BMPR1A: variants seen among roughly 807,000 people sequenced by gnomAD.
The protein encoded by BMPR1A is bone morphogenetic protein receptor type-1A.
In BMPR1A, 7 loss-of-function variants were observed where a neutral mutation model predicts 66.0. The ratio of observed to expected loss-of-function variants is 0.11; its 90% CI spans 0.06 to 0.20. BMPR1A has a LOEUF of 0.20. Ranked by LOEUF, BMPR1A falls within the 10% of genes least tolerant of loss-of-function variation. The pLI is 1.00. For synonymous variants in BMPR1A, 200 were observed against 229.7 expected, an observed-to-expected ratio of 0.87 and a Z score of 1.17; for missense variants, 408 against 669.1, an observed-to-expected ratio of 0.61 and a Z score of 4.31.
downstream of BMPR1A, chr10:86,932,046 C>CCTTA (rs1843815125): frequency 6.6e-6 from 1 of 152,220 alleles, no homozygotes; most frequent in Non-Finnish European, 1.5e-5. Flanking sequence ...AGTATAAGGA[C>CCTTA]TGCCATTTAC....
intron 2 of BMPR1A, among the ~76,000 whole-genome samples, chr10:86,873,360 A>C (rs2133304688): frequency 6.6e-6 from 1 of 152,140 alleles, no homozygotes; most frequent in African/African-American, 2.4e-5. Context: ...GGCCAAGGCC[A>C]CAGGATTGCT....
At chr10:86,830,615 G>A (rs531139995) in intron 1 of BMPR1A, among the ~76,000 whole-genome samples, 13 of 152,148 alleles carry the variant, frequency 8.5e-5, no homozygotes, top group African/African-American at 2.4e-4. Context: ...CGTATTTGCC[G>A]TCTATATATC....
At chr10:86,763,692 A>T (rs1841113099) in intron 1 of BMPR1A, among the ~76,000 whole-genome samples, 1 of 151,212 alleles carries the variant, frequency 6.6e-6, no homozygotes, top group African/African-American at 2.4e-5. Context: ...TTTGAGCATT[A>T]ATTTTTTTTT....
rs112597879 is a variant in BMPR1A, at chr10:86,910,263, G to A, written c.531-1977G>A. Among the ~76,000 whole-genome samples the A allele has an allele frequency of 5.6e-4, 86 of 152,236 alleles. 2 individuals carry two copies. The East Asian group carries it at 0.01, about 18-fold the overall frequency. ...GAGGCAGGGAGGATTGCTTAAACCC[G>A]GGAGGCAAAGCTTGCAGTGAGCTGA... On this transcript the variant is annotated intron_variant, in intron 7 of 12. Coordinates refer to ENST00000372037, the MANE Select transcript of BMPR1A (RefSeq NM_004329.3).
intron 1 of BMPR1A, among the ~76,000 whole-genome samples, chr10:86,809,657 A>G (rs1280359040): frequency 2.2e-5 from 3 of 134,224 alleles, no homozygotes; most frequent in Non-Finnish European, 3.1e-5. Context: ...TCTGTCGTCT[A>G]GGCCTCAGCT....
chr10:86,782,023 C>T (rs559697938), intron 1 of BMPR1A, among the ~76,000 whole-genome samples: 85 of 124,278 alleles, frequency 6.8e-4, no homozygotes, highest in African/African-American at 2.4e-3. Flanking sequence ...TGAGCCACCA[C>T]GCCTAATTTT....
rs1365655011 is a variant in BMPR1A, at chr10:86,925,428, C to G, written c.*1709C>G. 1.4e-5 allele frequency: 3 copies of G among 216,470 alleles called. No homozygotes were observed. Among genetic ancestry groups the G allele is most frequent in the Non-Finnish European group, 2.8e-5 (3 of 107,700 alleles). 13.4% of individuals were successfully genotyped at this position (216,470 alleles called of 1,614,324 possible). ...GACTATCATTTAAGGTTAAAACTTA[C>G]AAATTTGTCTGCACATCAAATTTCA... On this transcript the variant is annotated 3_prime_UTR_variant, in exon 13 of 13. Transcript: ENST00000372037.
intron 1 of BMPR1A, among the ~76,000 whole-genome samples, chr10:86,795,802 T>G (rs542442416): frequency 6.6e-6 from 1 of 152,324 alleles, no homozygotes; most frequent in African/African-American, 2.4e-5. Flanking sequence ...GTTATTTCTT[T>G]GTATATTCAG....
chr10:86,836,449 A>G (rs1842348703), intron 1 of BMPR1A, among the ~76,000 whole-genome samples: 1 of 152,046 alleles, frequency 6.6e-6, no homozygotes, highest in Non-Finnish European at 1.5e-5. Flanking sequence ...ATTTTATTTT[A>G]TTAAGTTCTG....
chr10:86,774,865 T>G (rs1362977609), intron 1 of BMPR1A, among the ~76,000 whole-genome samples: 2 of 152,198 alleles, frequency 1.3e-5, no homozygotes, highest in African/African-American at 4.8e-5. Context: ...TTAAATGAAA[T>G]TAAGTAACTC....
chr10:86,772,126 G>GTT (rs777280640), intron 1 of BMPR1A, among the ~76,000 whole-genome samples: 6,097 of 88,822 alleles, frequency 0.069, 399 homozygotes, highest in African/African-American at 0.13. Context: ...TCAGAGATAG[G>GTT]TTTTTTTTTT....
In BMPR1A at chr10:86,906,723, CAAAAAAAAAAAAAAAAAAAAAA is replaced by C. The variant is rs929716555; in HGVS notation, c.531-5499_531-5478del. ...TGGGCGACAGAGTGAGACTCCGTCTCAAAAAAAAAAAAAAAAAAAAAAAAAAAAAAAAAAAAAAACACTTTGT... is the reference window on the plus strand; with the variant it reads ...TGGGCGACAGAGTGAGACTCCGTCTCAAAAAAAAAAAAAAAAACACTTTGT... On this transcript the variant is annotated intron_variant, in intron 7 of 12. Transcript: ENST00000372037. Among the ~76,000 whole-genome samples, 69 of 10,698 alleles carry C rather than the reference CAAAAAAAAAAAAAAAAAAAAAA, an allele frequency of 6.4e-3. 8 individuals are homozygous for C. The highest frequency in any genetic ancestry group is 0.033 in the South Asian group (4 of 120). The allele number at this position is 10,698 out of a possible 152,430, so 7.0% of individuals were successfully genotyped here. A position where few individuals can be genotyped will look rare whatever the true frequency, so the allele number is the denominator to read the frequency against.
At chr10:86,810,136 A>G (rs1841949258) in intron 1 of BMPR1A, among the ~76,000 whole-genome samples, 1 of 151,374 alleles carries the variant, frequency 6.6e-6, no homozygotes, top group Admixed American at 6.6e-5. Context: ...ACGCCCGACT[A>G]ATTTTTGTAT....
In BMPR1A at chr10:86,899,882, T is replaced by A. The variant is rs1442736321; in HGVS notation, c.422T>A (p.Val141Asp). 6.2e-7 allele frequency: 1 copy of A among 1,614,096 alleles called. No individual in the cohort carries two copies. Residue 141 changes from valine to aspartate, a missense_variant, in exon 6 of 13, where the codon GTT (valine) becomes GAT (aspartate). This residue lies in a region of BMPR1A where 174 missense variants were observed against 265.1 expected (regional missense o/e 0.66). Transcript: ENST00000372037. ...TATTTGCAACCCACACTGCCCCCTG[T>A]TGTCATAGGTAGGTTAGCCGAGAAA... is the stretch of plus-strand genomic sequence containing the variant. ...NQYLQPTLPP[V>D]VIGPFFDGSI... is the part of the protein sequence containing the mutation.
chr10:86,817,037 C>T (rs545874194), intron 1 of BMPR1A, among the ~76,000 whole-genome samples: 2 of 152,212 alleles, frequency 1.3e-5, no homozygotes, highest in South Asian at 4.1e-4. Flanking sequence ...CCAGCCATCC[C>T]CATTTCTACA....
intron 1 of BMPR1A, among the ~76,000 whole-genome samples, chr10:86,828,045 G>A (rs1158242655): frequency 6.6e-6 from 1 of 152,196 alleles, no homozygotes; most frequent in African/African-American, 2.4e-5. Context: ...CCAGCCACTT[G>A]GGAGGCTGAG....
chr10:86,799,769 C>A (rs1841785342), intron 1 of BMPR1A, among the ~76,000 whole-genome samples: 1 of 152,002 alleles, frequency 6.6e-6, no homozygotes, highest in South Asian at 2.1e-4. Context: ...AATTCCTGGG[C>A]TCAAGCGATC....
At chr10:86,893,867 AATCACCCTTGT>A (rs1843191204) in intron 5 of BMPR1A, among the ~76,000 whole-genome samples, 1 of 152,132 alleles carries the variant, frequency 6.6e-6, no homozygotes, top group Non-Finnish European at 1.5e-5. Context: ...TAATGTTTGG[AATCACCCTTGT>A]TGCAAATGAC....
intron 5 of BMPR1A, among the ~76,000 whole-genome samples, chr10:86,892,710 G>A (rs1358901793): frequency 6.6e-6 from 1 of 151,930 alleles, no homozygotes; most frequent in East Asian, 1.9e-4. Flanking sequence ...TTACAGGTGT[G>A]AGCCACTGTG....
Sources: allele counts gnomAD v4.1 joint callset (sites outside exome capture counted in the v4.1 genomes callset), GRCh38; gene constraint gnomAD v4.1.1; regional missense constraint gnomAD v4.1.1; transcripts MANE v1.5; gene names NCBI Gene and HGNC (gene_info 2026-07-23, HGNC 2026-07-21).